The following FNDC1 variants were observed in gnomAD, a reference collection of about 807,000 sequenced individuals.
FNDC1 encodes fibronectin type III domain-containing protein 1.
FNDC1 carries 96 observed loss-of-function variants against 168.0 expected under a neutral mutation model. The observed-to-expected ratio is 0.57, with a 90% CI of 0.48 to 0.68. The LOEUF (loss-of-function observed/expected upper bound fraction) is 0.68, where lower values mean the gene tolerates loss of function less well. Ranked by LOEUF, FNDC1 falls within the 30% of genes least tolerant of loss-of-function variation. The pLI is 0.00. For synonymous variants in FNDC1, 1,099 were observed against 1,025.9 expected, an observed-to-expected ratio of 1.07 and a Z score of -1.36; for missense variants, 2,587 against 2,482.1, an observed-to-expected ratio of 1.04 and a Z score of -0.90.
At chr6:159,245,076 A>G (rs1383608538) in intron 14 of FNDC1, among the ~76,000 whole-genome samples, 1 of 152,208 alleles carries the variant, frequency 6.6e-6, no homozygotes, top group Non-Finnish European at 1.5e-5. Flanking sequence ...GCAAGTGTGC[A>G]GGAAAAACTA....
intron 5 of FNDC1, among the ~76,000 whole-genome samples, 183 bp downstream of exon 5, chr6:159,215,334 C>T (rs575886718): frequency 8.7e-4 from 133 of 152,360 alleles, no homozygotes; most frequent in Middle Eastern, 3.4e-3. Context: ...TTTTAACCTT[C>T]TGTTAGTGGC....
rs144164940 is a variant in FNDC1, at chr6:159,204,180, G to A, written c.460+3599G>A. Among the ~76,000 whole-genome samples, 312 of 152,290 alleles carry A rather than the reference G, an allele frequency of 2.0e-3. 2 individuals carry two copies. The highest frequency in any genetic ancestry group is 7.1e-3 in the African/African-American group (296 of 41,554). ...CTTGGCCATTTCCAGACGATGCTGC[G>A]TGACAATCGCTTGCGGACCAGACAT... On this transcript the variant is annotated intron_variant, in intron 4 of 22. Coordinates refer to ENST00000297267, the MANE Select transcript of FNDC1 (RefSeq NM_032532.3).
chr6:159,237,660 CA>C (rs1783295044), intron 12 of FNDC1, among the ~76,000 whole-genome samples: 1 of 152,140 alleles, frequency 6.6e-6, no homozygotes, highest in Admixed American at 6.5e-5. Context: ...ACATTCATTG[CA>C]AGAAGTTAAA....
chr6:159,266,037 A>T (rs1005093136), intron 20 of FNDC1, 47 bp from the exon 21 acceptor site: 17 of 1,594,038 alleles, frequency 1.1e-5, no homozygotes, highest in Non-Finnish European at 1.5e-5. Context: ...GTGAGAAGAC[A>T]CACTGTGGAG....
At chr6:159,200,488 A>T (rs371180471) in intron 3 of FNDC1, 25 bp from the exon 4 acceptor site, 51 of 1,571,446 alleles carry the variant, frequency 3.2e-5, no homozygotes, top group Non-Finnish European at 4.4e-5. Flanking sequence ...GTTTCTAACT[A>T]TCAAGTTGCA....
At position 159,197,465 on chromosome 6, in the gene FNDC1, G is replaced by T. The variant is rs1460481114; in HGVS notation, c.144G>T (p.Leu48=). The change falls in exon 2 of 23, where the codon CTG becomes CTT. Residue 48 remains leucine (L), a synonymous_variant. Transcript: ENST00000297267. ...DHPLKPRHVK[L]LSTKMGLKVT... ...CACTGAAGCCAAGGCATGTGAAACT[G>T]CTGTCCACTAAAATGGGCCTGAAAG... 1.2e-6 allele frequency: 2 copies of T among 1,613,754 alleles called. No homozygotes were observed. Among genetic ancestry groups the T allele is most frequent in the Admixed American group, 3.3e-5 (2 of 59,986 alleles).
Position 159,236,284 on chromosome 6 carries a change from G to T in FNDC1, c.4037G>T (p.Arg1346Ile). The T allele has an allele frequency of 5.6e-6, 9 of 1,613,682 alleles. No homozygotes were observed. Among genetic ancestry groups the T allele is most frequent in the Non-Finnish European group, 7.6e-6 (9 of 1,179,710 alleles). Reference protein sequence around the residue: ...PGSNGKPNGQRIINGPQGTKW... With the variant: ...PGSNGKPNGQIIINGPQGTKW... ...AGTAATGGAAAACCGAATGGACAGA[G>T]AATTATCAATGGCCCTCAAGGAACA... Residue 1346 changes from arginine to isoleucine, a missense_variant, in exon 12 of 23, where the codon AGA becomes ATA. By Grantham distance (97) the Arg-to-Ile change is moderately conservative. Transcript: ENST00000297267.
intron 5 of FNDC1, among the ~76,000 whole-genome samples, chr6:159,217,890 A>G (rs1273812464): frequency 6.6e-6 from 1 of 152,204 alleles, no homozygotes; most frequent in African/African-American, 2.4e-5. Context: ...AATTAGCAGC[A>G]AGACCTTGAA....
At chr6:159,268,479 G>C (rs1195325333) in intron 22 of FNDC1, among the ~76,000 whole-genome samples, 1 of 152,162 alleles carries the variant, frequency 6.6e-6, no homozygotes, top group East Asian at 1.9e-4. Flanking sequence ...ATAAAATACA[G>C]TAAAATACAG....
chr6:159,221,817 G>A, intron 6 of FNDC1, 121 bp downstream of exon 6: 4 of 809,680 alleles, frequency 4.9e-6, no homozygotes, highest in Non-Finnish European at 8.2e-6. Context: ...AGAAATAACA[G>A]GGCAAATGTG....
rs755587981 is a variant in FNDC1, at chr6:159,225,178, G to GACAC, written c.885-344_885-341dup. Among the ~76,000 whole-genome samples the GACAC allele has an allele frequency of 1.4e-3, 212 of 146,408 alleles. 2 individuals carry two copies. In the East Asian group the frequency reaches 0.018, roughly 12 times the overall value. ...AGTGCCTTGAGTAGACACAAATACA[G>GACAC]ACACACACACACACACGCACAGTCA... On this transcript the variant is annotated intron_variant, in intron 7 of 22. Coordinates refer to ENST00000297267, the MANE Select transcript of FNDC1 (RefSeq NM_032532.3).
chr6:159,228,466 G>C (rs1783003211), intron 9 of FNDC1, among the ~76,000 whole-genome samples: 1 of 151,992 alleles, frequency 6.6e-6, no homozygotes, highest in Non-Finnish European at 1.5e-5. Flanking sequence ...CACCACAAAT[G>C]ACAAGTTTGT....
chr6:159,178,408 A>C (rs185160744), intron 1 of FNDC1, among the ~76,000 whole-genome samples: 3 of 152,296 alleles, frequency 2.0e-5, no homozygotes, highest in Admixed American at 2.0e-4. Flanking sequence ...GTTTAGGTTG[A>C]CAGCAGTAAG....
In FNDC1 at chr6:159,233,242, G is replaced by A; in HGVS notation, c.2730G>A (p.Arg910=). The A allele has an allele frequency of 6.2e-7, 1 of 1,613,918 alleles. No homozygotes were observed. The highest frequency in any genetic ancestry group is 8.5e-7 in the Non-Finnish European group (1 of 1,179,864). Reference sequence around the variant, plus strand: ...TCTCCCGGGGCTGGGAGGACTTAAGGAGAAGCCCGCAGAGAGGGGCCAGCC... The same window carrying A: ...TCTCCCGGGGCTGGGAGGACTTAAGAAGAAGCCCGCAGAGAGGGGCCAGCC... ...QPISRGWEDL[R]RSPQRGASLH... The change falls in exon 11 of 23, where the codon AGG becomes AGA. Residue 910 remains arginine (R), a synonymous_variant. Transcript: ENST00000297267. The surrounding 1 kb of genome is among the most constrained non-coding windows in gnomAD (Gnocchi z 4.6).
chr6:159,244,653 G>A (rs978219556), intron 14 of FNDC1, among the ~76,000 whole-genome samples: 4 of 152,204 alleles, frequency 2.6e-5, no homozygotes, highest in Admixed American at 6.5e-5. Flanking sequence ...TAATTACACT[G>A]TGGAATGGTG....
intron 10 of FNDC1, among the ~76,000 whole-genome samples, chr6:159,231,527 A>C (rs955207603): frequency 3.9e-5 from 6 of 152,248 alleles, no homozygotes; most frequent in Non-Finnish European, 8.8e-5. Flanking sequence ...ACTGACAATT[A>C]GTTTTATTAA....
At chr6:159,187,032 C>G (rs2050608) in intron 1 of FNDC1, among the ~76,000 whole-genome samples, 152,142 of 152,332 alleles carry the variant, frequency 1, 75,976 homozygotes, top group Middle Eastern at 1. Flanking sequence ...GGTGGGGCTG[C>G]GGTGGCTGGA....
At position 159,234,220 on chromosome 6, in the gene FNDC1, C is replaced by A. The variant is rs1466042583; in HGVS notation, c.3708C>A (p.Ser1236Arg). Residue 1236 changes from serine to arginine, a missense_variant, in exon 11 of 23, where the codon AGC (serine) becomes AGA (arginine). Transcript: ENST00000297267. ...PAIALAPRGGSLAPVKRPLPP... is the reference protein window; with the variant it reads ...PAIALAPRGGRLAPVKRPLPP... ...TCGCGCTTGCCCCTCGCGGAGGGAGCCTGGCTCCTGTGAAGCGACCTCTCC... is the reference window on the plus strand; with the variant it reads ...TCGCGCTTGCCCCTCGCGGAGGGAGACTGGCTCCTGTGAAGCGACCTCTCC... The A allele has an allele frequency of 1.3e-6, 2 of 1,594,262 alleles. No homozygotes were observed. The highest frequency in any genetic ancestry group is 1.7e-6 in the Non-Finnish European group (2 of 1,170,350).
intron 5 of FNDC1, among the ~76,000 whole-genome samples, chr6:159,217,098 G>A (rs1008127828): frequency 1.3e-5 from 2 of 152,240 alleles, no homozygotes; most frequent in African/African-American, 4.8e-5. Context: ...CACCCATTGC[G>A]TGGCACCTAC....
Sources: allele counts gnomAD v4.1 joint callset (sites outside exome capture counted in the v4.1 genomes callset), GRCh38; gene constraint gnomAD v4.1.1; non-coding constraint Gnocchi (gnomAD v3.1); transcripts MANE v1.5; gene names NCBI Gene and HGNC (gene_info 2026-07-23, HGNC 2026-07-21).